The following NUB1 variants were observed in gnomAD, a reference collection of about 807,000 sequenced individuals.
NUB1 encodes negative regulator of ubiquitin like proteins 1, also known as NEDD8 ultimate buster 1.
In NUB1, 41 loss-of-function variants were observed where a neutral mutation model predicts 77.1. The observed-to-expected ratio is 0.53, with a 90% CI of 0.41 to 0.69. NUB1 has a LOEUF of 0.69. Ranked by LOEUF, NUB1 falls within the 30% of genes least tolerant of loss-of-function variation. The pLI is 0.00. For missense variants in NUB1, 643 were observed against 743.8 expected (o/e 0.86, Z 1.58); for synonymous variants, 257 against 281.0 (o/e 0.91, Z 0.85).
chr7:151,376,566 G>T, intron 13 of NUB1, 68 bp from the exon 14 acceptor site: 1 of 1,447,212 alleles, frequency 6.9e-7, no homozygotes, highest in Non-Finnish European at 9.3e-7. Context: ...CTGTCCACTC[G>T]TATGGCTGAC....
chr7:151,352,323 A>G, intron 4 of NUB1: 5 of 334,952 alleles, frequency 1.5e-5, no homozygotes, highest in South Asian at 1.2e-4. Flanking sequence ...TGTCTCCTAC[A>G]GTTTCAAATA....
At chr7:151,353,802 C>G (rs1026809391) in intron 5 of NUB1, among the ~76,000 whole-genome samples, 4 of 152,180 alleles carry the variant, frequency 2.6e-5, no homozygotes, top group African/African-American at 9.7e-5. Flanking sequence ...AGAATGAAGT[C>G]CACATTTCTT....
chr7:151,369,100 C>T (rs570897119), intron 11 of NUB1: 80 of 398,270 alleles, frequency 2.0e-4, no homozygotes, highest in African/African-American at 1.5e-3. Flanking sequence ...CTCCGCCTCC[C>T]GGGTTCAAGC....
intron 8 of NUB1, 135 bp downstream of exon 8, chr7:151,360,382 A>T (rs1345355960): frequency 2.0e-6 from 1 of 496,590 alleles, no homozygotes; most frequent in East Asian, 3.0e-5. Context: ...GTTATGGTGT[A>T]AACTGGTGAA....
At chr7:151,345,285 G>C in intron 1 of NUB1, 63 bp from the exon 2 acceptor site, 2 of 1,021,626 alleles carry the variant, frequency 2.0e-6, no homozygotes, top group South Asian at 2.8e-5. Flanking sequence ...TTAACATGTA[G>C]GTAAGTTATT....
intron 11 of NUB1, among the ~76,000 whole-genome samples, chr7:151,373,537 G>A (rs982044796): frequency 1.1e-4 from 16 of 152,302 alleles, no homozygotes; most frequent in African/African-American, 3.8e-4. Flanking sequence ...GCACTCTGTG[G>A]GTTCCGAATG....
chr7:151,376,920 C>G, intron 14 of NUB1, 109 bp downstream of exon 14: 1 of 1,429,918 alleles, frequency 7.0e-7, no homozygotes, highest in Middle Eastern at 1.9e-4. Context: ...CGTCCCCTGA[C>G]GTCACCGGGC....
Position 151,374,129 on chromosome 7 carries a change from G to A in NUB1, c.1281G>A (p.Glu427=), listed in dbSNP as rs767639484. The A allele has an allele frequency of 6.4e-7, 1 of 1,568,770 alleles. No individual in the cohort carries two copies. Among genetic ancestry groups the A allele is most frequent in the Non-Finnish European group, 8.6e-7 (1 of 1,157,408 alleles). ...CCCAAATAAGGAAGGAGGAAAAAGA[G>A]AAGAAAAGACGCCGCCTCGAGAACA... is the stretch of plus-strand genomic sequence containing the variant. The part of the protein sequence containing the change: ...ELAQIRKEEK[E]KKRRRLENIR... The change falls in exon 12 of 15, where the codon GAG becomes GAA. Residue 427 remains glutamate (E), a synonymous_variant. Coordinates refer to ENST00000568733, the MANE Select transcript of NUB1 (RefSeq NM_001243351.2).
intron 11 of NUB1, among the ~76,000 whole-genome samples, chr7:151,371,289 A>G (rs1797943735): frequency 6.6e-6 from 1 of 152,194 alleles, no homozygotes; most frequent in Non-Finnish European, 1.5e-5. Context: ...GAAGTAGGAT[A>G]GGTCTCAGGG....
chr7:151,357,551 G>A (rs1797138814), intron 7 of NUB1, among the ~76,000 whole-genome samples: 1 of 152,036 alleles, frequency 6.6e-6, no homozygotes, highest in Non-Finnish European at 1.5e-5. Flanking sequence ...GTTTTTAAGG[G>A]ATGGTTTTGA....
At chr7:151,354,936 G>T (rs928172299) in intron 5 of NUB1, among the ~76,000 whole-genome samples, 2 of 152,112 alleles carry the variant, frequency 1.3e-5, no homozygotes, top group South Asian at 2.1e-4. Flanking sequence ...GTGGAGACGG[G>T]GTCCACTGTG....
At chr7:151,351,709 C>G (rs1270751854) in intron 4 of NUB1, among the ~76,000 whole-genome samples, 1 of 152,080 alleles carries the variant, frequency 6.6e-6, no homozygotes, top group Non-Finnish European at 1.5e-5. Flanking sequence ...GGTGTAACTT[C>G]CGAGCAGGTG....
At chr7:151,344,771 G>A (rs1796401683) in intron 1 of NUB1, among the ~76,000 whole-genome samples, 2 of 152,148 alleles carry the variant, frequency 1.3e-5, no homozygotes, top group South Asian at 4.1e-4. Flanking sequence ...AGACCAAGGT[G>A]GGTGGATCAC....
chr7:151,372,328 G>A (rs565187594), intron 11 of NUB1, among the ~76,000 whole-genome samples: 12 of 152,318 alleles, frequency 7.9e-5, no homozygotes, highest in African/African-American at 2.9e-4. Flanking sequence ...TCTCACATGT[G>A]TTTACATGAT....
At chr7:151,356,019 G>A in intron 6 of NUB1, 69 bp downstream of exon 6, 1 of 1,570,586 alleles carries the variant, frequency 6.4e-7, no homozygotes, top group Non-Finnish European at 8.8e-7. Context: ...ACAGTTGGGG[G>A]ATCATGGCTC....
chr7:151,371,494 C>T (rs555882850), intron 11 of NUB1, among the ~76,000 whole-genome samples: 39 of 152,174 alleles, frequency 2.6e-4, no homozygotes, highest in African/African-American at 7.7e-4. Flanking sequence ...GCTGGAGGAA[C>T]GCCAAGACTG....
chr7:151,359,995 T>C (rs1033494994), intron 7 of NUB1, 146 bp from the exon 8 acceptor site: 3 of 524,608 alleles, frequency 5.7e-6, no homozygotes, highest in South Asian at 3.0e-5. Context: ...TAATTAATTA[T>C]ATTTTTCTTA....
At chr7:151,352,160 C>A in intron 4 of NUB1, 1 of 456,640 alleles carries the variant, frequency 2.2e-6, no homozygotes, top group South Asian at 1.5e-5. Flanking sequence ...TGGATCAGCC[C>A]CCGCTATGGG....
intron 1 of NUB1, chr7:151,342,093 T>C (rs62490272): frequency 0.11 from 53,079 of 503,650 alleles, 3,373 homozygotes; most frequent in Admixed American, 0.21. Flanking sequence ...GTGTGGGGTA[T>C]TTAAAAGAAA....
Sources: allele counts gnomAD v4.1 joint callset (sites outside exome capture counted in the v4.1 genomes callset), GRCh38; gene constraint gnomAD v4.1.1; transcripts MANE v1.5; gene names NCBI Gene and HGNC (gene_info 2026-07-23, HGNC 2026-07-21).